Variants in CPS1 observed in about 807,000 individuals in gnomAD.
CPS1 encodes carbamoyl-phosphate synthase 1, also known as carbamoyl-phosphate synthase [ammonia], mitochondrial.
Under a neutral mutation model 174.6 loss-of-function variants are expected in CPS1, and 109 were observed. That is an observed-to-expected ratio of 0.62 (90% CI 0.53 to 0.73). The LOEUF (loss-of-function observed/expected upper bound fraction) is 0.73. CPS1 is among the 30% of genes least tolerant of loss of function. CPS1 has a pLI of 0.00. For synonymous variants in CPS1, 637 were observed against 632.0 expected, an observed-to-expected ratio of 1.01 and a Z score of -0.12; for missense variants, 1,689 against 1,821.9, an observed-to-expected ratio of 0.93 and a Z score of 1.33.
intron 1 of CPS1, among the ~76,000 whole-genome samples, chr2:210,558,361 T>C (rs1370344358): frequency 6.6e-6 from 1 of 152,086 alleles, no homozygotes; most frequent in Non-Finnish European, 1.5e-5. Context: ...TGTCTAGTTA[T>C]ATATATTTTC....
chr2:210,590,166 G>A lies in CPS1; in HGVS notation c.772G>A (p.Gly258Arg), dbSNP rs1698243921. 6.2e-7 allele frequency: 1 copy of A among 1,612,846 alleles called. No homozygotes were observed. The highest frequency in any genetic ancestry group is 1.3e-5 in the African/African-American group (1 of 74,796). Residue 258 changes from glycine (G) to arginine (R), a missense_variant, in exon 8 of 38, where the codon GGG becomes AGG. Coordinates refer to ENST00000233072, the MANE Select transcript of CPS1 (RefSeq NM_001875.5). ...NHDFTKMEYDGILIAGGPGNP... is the reference protein window; with the variant it reads ...NHDFTKMEYDRILIAGGPGNP... ...TGATTTCACCAAGATGGAGTATGAT[G>A]GGATTTTGATCGCGGGAGGACCGGG... is the stretch of plus-strand genomic sequence containing the variant.
In CPS1 at chr2:210,678,019, A is replaced by G. The variant is rs1003072419; in HGVS notation, c.*34A>G. ...ACACCCCAGCCCCATTATTAAATCA[A>G]CCTGAGCCACATGTTATCTAAAGGA... On this transcript the variant is annotated 3_prime_UTR_variant, in exon 38 of 38. Transcript: ENST00000233072. The G allele has an allele frequency of 2.0e-6, 3 of 1,465,160 alleles. No individual in the cohort carries two copies. Among genetic ancestry groups the G allele is most frequent in the Middle Eastern group, 1.7e-4 (1 of 5,842 alleles). 90.8% of individuals were successfully genotyped at this position (1,465,160 alleles called of 1,614,324 possible). A position where few individuals can be genotyped will look rare whatever the true frequency, so the allele number is the denominator to read the frequency against.
At chr2:210,664,544 G>T (rs906839516) in intron 33 of CPS1, among the ~76,000 whole-genome samples, 1 of 151,992 alleles carries the variant, frequency 6.6e-6, no homozygotes, top group African/African-American at 2.4e-5. Flanking sequence ...TCTCCATGTG[G>T]GTCAGGCTGG....
Position 210,602,192 on chromosome 2 carries a change from T to C in CPS1, c.1708-10T>C. The C allele has an allele frequency of 6.2e-7, 1 of 1,612,080 alleles. No individual in the cohort carries two copies. The highest frequency in any genetic ancestry group is 8.5e-7 in the Non-Finnish European group (1 of 1,178,886). On this transcript the variant is annotated splice_polypyrimidine_tract_variant and intron_variant, in intron 15 of 37. Coordinates refer to ENST00000233072, the MANE Select transcript of CPS1 (RefSeq NM_001875.5). The stretch of plus-strand genomic sequence containing the variant: ...CTTTTAAAATGTTGAGTCCTTGTTC[T>C]TGTTGACAGATTGAGGATGCACTGA...
intron 1 of CPS1, among the ~76,000 whole-genome samples, chr2:210,541,705 A>G (rs1388910735): frequency 6.6e-6 from 1 of 152,194 alleles, no homozygotes; most frequent in East Asian, 1.9e-4. Flanking sequence ...GATGTGAAGT[A>G]CATTTCCCCC....
chr2:210,507,932 G>T (rs1291227659), intron 1 of CPS1, among the ~76,000 whole-genome samples: 12 of 151,684 alleles, frequency 7.9e-5, no homozygotes, highest in African/African-American at 2.9e-4. Flanking sequence ...AATAATGGGA[G>T]ACTTTAACAC....
intron 3 of CPS1, 48 bp downstream of exon 3, chr2:210,576,538 A>G (rs1484166075): frequency 3.1e-6 from 5 of 1,608,322 alleles, no homozygotes; most frequent in South Asian, 1.1e-5. Context: ...GAGGGAGTAT[A>G]GTTGACTTAT....
chr2:210,519,271 G>T (rs1291132828), intron 1 of CPS1, among the ~76,000 whole-genome samples: 1 of 151,970 alleles, frequency 6.6e-6, no homozygotes, highest in Non-Finnish European at 1.5e-5. Context: ...TGAAACTACA[G>T]ATAAGTTATA....
At chr2:210,645,141 T>A (rs894353835) in intron 25 of CPS1, among the ~76,000 whole-genome samples, 10 of 152,268 alleles carry the variant, frequency 6.6e-5, no homozygotes, top group South Asian at 2.1e-4. Context: ...AACTGTGCTA[T>A]ATTAACATTT....
chr2:210,668,269 C>A lies in CPS1; in HGVS notation c.4086C>A (p.Ile1362=). ...GATTTAAGATACCCCAGAAAGGCAT[C>A]CTGATAGGCATCCAGGTAAGTGGTT... is the stretch of plus-strand genomic sequence containing the variant. ...STGFKIPQKG[I]LIGIQQSFRP... Residue 1362 remains isoleucine, a synonymous_variant, in exon 34 of 38, where the codon ATC becomes ATA. Coordinates refer to ENST00000233072, the MANE Select transcript of CPS1 (RefSeq NM_001875.5). 1 of 1,612,980 alleles carries A rather than the reference C, an allele frequency of 6.2e-7. No homozygotes were observed. The highest frequency in any genetic ancestry group is 1.1e-5 in the South Asian group (1 of 91,048).
At chr2:210,650,145 A>AC (rs1700513740) in intron 27 of CPS1, among the ~76,000 whole-genome samples, 1 of 151,898 alleles carries the variant, frequency 6.6e-6, no homozygotes, top group African/African-American at 2.4e-5. Context: ...AGGTTTACTG[A>AC]CCCCCTACAC....
chr2:210,554,128 T>TACAC (rs1228188486), upstream of CPS1, among the ~76,000 whole-genome samples: 1 of 138,192 alleles, frequency 7.2e-6, no homozygotes, highest in Non-Finnish European at 1.6e-5. Context: ...TATGTATATA[T>TACAC]ACATACATAT....
chr2:210,483,915 T>C (rs1050220832), intron 1 of CPS1, among the ~76,000 whole-genome samples: 2 of 152,248 alleles, frequency 1.3e-5, no homozygotes, highest in African/African-American at 2.4e-5. Flanking sequence ...CTTTTGCTCA[T>C]TCATTGATCC....
Position 210,637,798 on chromosome 2 carries a change from A to T in CPS1, c.2784A>T (p.Thr928=), listed in dbSNP as rs1336060976. 1 of 1,613,910 alleles carries T rather than the reference A, an allele frequency of 6.2e-7. No individual in the cohort carries two copies. Among genetic ancestry groups the T allele is most frequent in the Non-Finnish European group, 8.5e-7 (1 of 1,179,928 alleles). Residue 928 remains threonine (T), a synonymous_variant, in exon 22 of 38, where the codon ACA becomes ACT. Coordinates refer to ENST00000233072, the MANE Select transcript of CPS1 (RefSeq NM_001875.5). ...SKCLGLTEAQ[T]RELRLKKNIH... is the part of the protein sequence containing the mutation. ...GCCTTGGGCTCACTGAGGCCCAGAC[A>T]AGGGAGCTGAGGTTAAAGAAAAACA...
At chr2:210,579,834 G>GT in intron 5 of CPS1, 64 bp downstream of exon 5, 13 of 1,326,096 alleles carry the variant, frequency 9.8e-6, no homozygotes, top group Middle Eastern at 1.8e-4. Context: ...GTGTGTGTGT[G>GT]GTGTTTCCCT....
chr2:210,606,941 G>A lies in CPS1; in HGVS notation c.2192G>A (p.Gly731Asp), dbSNP rs1257879602. 6.2e-7 allele frequency: 1 copy of A among 1,611,012 alleles called. No individual in the cohort carries two copies. Among genetic ancestry groups the A allele is most frequent in the Admixed American group, 1.7e-5 (1 of 59,792 alleles). Reference protein sequence around the residue: ...RSSALASKATGYPLAFIAAKI... With the variant: ...RSSALASKATDYPLAFIAAKI... ...TCTGCTCTGGCCTCAAAAGCCACTG[G>A]GTAAGACCAGAATAATTGACCATGG... Residue 731 changes from glycine (G) to aspartate (D), a missense_variant and splice_region_variant, in exon 18 of 38, where the codon GGC becomes GAC. Transcript: ENST00000233072.
intron 30 of CPS1, among the ~76,000 whole-genome samples, chr2:210,658,032 T>C (rs760279150): frequency 3.3e-5 from 5 of 152,242 alleles, no homozygotes; most frequent in Non-Finnish European, 7.3e-5. Flanking sequence ...CCTCTTGGTA[T>C]AGGGACATTC....
chr2:210,639,977 C>T lies in CPS1; in HGVS notation c.2896-19C>T. 6.3e-7 allele frequency: 1 copy of T among 1,583,066 alleles called. No individual in the cohort carries two copies. Among genetic ancestry groups the T allele is most frequent in the South Asian group, 1.1e-5 (1 of 90,444 alleles). On this transcript the variant is annotated intron_variant, in intron 23 of 37. Coordinates refer to ENST00000233072, the MANE Select transcript of CPS1 (RefSeq NM_001875.5). ...TAACACTTAATGATTTCTGCATCTT[C>T]CTTTTCTTATTTCCTCAGGAGCATG...
Position 210,677,043 on chromosome 2 carries a change from C to T in CPS1, c.4311C>T (p.Asn1437=). ...IRDGSIDLVI[N]LPNNNTKFVH... is the part of the protein sequence containing the mutation. The stretch of plus-strand genomic sequence containing the variant: ...ATGGCAGCATTGACCTAGTGATTAA[C>T]CTTCCCAACAACAACACTAAATTTG... The change falls in exon 37 of 38, where the codon AAC becomes AAT. Residue 1437 remains asparagine (N), a synonymous_variant. Coordinates refer to ENST00000233072, the MANE Select transcript of CPS1 (RefSeq NM_001875.5). 1 of 1,613,712 alleles carries T rather than the reference C, an allele frequency of 6.2e-7. No individual in the cohort carries two copies. The highest frequency in any genetic ancestry group is 8.5e-7 in the Non-Finnish European group (1 of 1,179,656).
Sources: gnomAD v4.1 joint callset for allele counts (sites outside exome capture counted in the v4.1 genomes callset) on GRCh38, gnomAD v4.1.1 for gene constraint, MANE v1.5 for transcripts, NCBI Gene and HGNC (gene_info 2026-07-23, HGNC 2026-07-21) for gene names.